The following RAB6A variants were observed in gnomAD, a reference collection of about 807,000 sequenced individuals.
RAB6A encodes the protein ras-related protein Rab-6A.
RAB6A carries 8 observed loss-of-function variants against 32.3 expected under a neutral mutation model. The observed-to-expected ratio is 0.25, with a 90% confidence interval of 0.15 to 0.45. The LOEUF (loss-of-function observed/expected upper bound fraction) is 0.45. Ranked by LOEUF, RAB6A falls within the 20% of genes least tolerant of loss-of-function variation. The pLI is 1.00. For synonymous variants in RAB6A, 73 were observed against 82.1 expected, an observed-to-expected ratio of 0.89 and a Z score of 0.60; for missense variants, 104 against 249.4, an observed-to-expected ratio of 0.42 and a Z score of 3.93.
At position 73,756,489 on chromosome 11, in the gene RAB6A, T is replaced by C. The variant is rs189951750; in HGVS notation, c.70+4077A>G. Among the ~76,000 whole-genome samples the C allele has an allele frequency of 4.8e-3, 725 of 152,336 alleles. 2 individuals carry two copies. The highest frequency in any genetic ancestry group is 8.4e-3 in the Non-Finnish European group (571 of 68,026). On this transcript the variant is annotated intron_variant, in intron 1 of 7. Transcript: ENST00000336083. ...TAAAGTGAAAAAAACAGTAGTAGGC[T>C]GAGTATGCGCTTCTCTCTGCCATTA... is the stretch of plus-strand genomic sequence containing the variant.
chr11:73,705,698 T>C (rs1261106340), intron 6 of RAB6A, among the ~76,000 whole-genome samples: 2 of 151,990 alleles, frequency 1.3e-5, no homozygotes, highest in African/African-American at 4.8e-5. Context: ...GTGGCTCCTA[T>C]GGGTTCAGTT....
chr11:73,715,939 T>A (rs1307020778), intron 5 of RAB6A, among the ~76,000 whole-genome samples: 1 of 152,234 alleles, frequency 6.6e-6, no homozygotes, highest in African/African-American at 2.4e-5. Flanking sequence ...CAAAATGGCT[T>A]GCTCTTTAAC....
At chr11:73,739,486 T>C (rs1946461438) in intron 1 of RAB6A, among the ~76,000 whole-genome samples, 1 of 150,202 alleles carries the variant, frequency 6.7e-6, no homozygotes, top group Admixed American at 6.7e-5. Flanking sequence ...TTTTTATTTT[T>C]TATTTTTTTG....
chr11:73,694,005 G>C (rs774683211), intron 6 of RAB6A, among the ~76,000 whole-genome samples: 1 of 152,150 alleles, frequency 6.6e-6, no homozygotes, highest in Non-Finnish European at 1.5e-5. Flanking sequence ...TTTCCCTCTA[G>C]ACTAGTGGTT....
At chr11:73,713,982 G>C (rs1277454059) in intron 5 of RAB6A, among the ~76,000 whole-genome samples, 1 of 151,842 alleles carries the variant, frequency 6.6e-6, no homozygotes, top group Admixed American at 6.6e-5. Flanking sequence ...CCTGAGGTCA[G>C]GAGTTCGAGA....
intron 2 of RAB6A, among the ~76,000 whole-genome samples, chr11:73,724,698 A>G (rs778411257): frequency 6.7e-4 from 102 of 152,170 alleles, no homozygotes; most frequent in Admixed American, 1.4e-3. Context: ...GTGTTAGCCA[A>G]CATGGTGTCG....
intron 6 of RAB6A, among the ~76,000 whole-genome samples, chr11:73,700,815 G>A (rs1469920128): frequency 1.3e-5 from 2 of 152,058 alleles, no homozygotes; most frequent in Non-Finnish European, 2.9e-5. Context: ...ACAATCTTCT[G>A]TAAGACAGAA....
chr11:73,756,076 GGC>G (rs547304076), intron 1 of RAB6A, among the ~76,000 whole-genome samples: 89 of 152,298 alleles, frequency 5.8e-4, no homozygotes, highest in South Asian at 1.7e-3. Context: ...GTACTGGCCA[GGC>G]GTGGTGGCTC....
intron 6 of RAB6A, among the ~76,000 whole-genome samples, chr11:73,680,177 A>C (rs980247654): frequency 2.0e-5 from 3 of 152,264 alleles, no homozygotes; most frequent in Non-Finnish European, 2.9e-5. Context: ...GCAATATACC[A>C]AATACAAAGA....
At chr11:73,753,074 C>T (rs1946691553) in intron 1 of RAB6A, among the ~76,000 whole-genome samples, 1 of 152,088 alleles carries the variant, frequency 6.6e-6, no homozygotes, top group Admixed American at 6.6e-5. Context: ...ACAGCAAGAC[C>T]TCGTTTGCTA....
At chr11:73,728,610 A>AAATAATGATAATAATAAT (rs1555063854) in intron 2 of RAB6A, among the ~76,000 whole-genome samples, 10 of 136,484 alleles carry the variant, frequency 7.3e-5, no homozygotes, top group Non-Finnish European at 1.4e-4. Flanking sequence ...GTCTTTGTTT[A>AAATAATGATAATAATAAT]AATAATAATA....
At chr11:73,713,330 G>A (rs1201730744) in intron 5 of RAB6A, among the ~76,000 whole-genome samples, 3 of 152,154 alleles carry the variant, frequency 2.0e-5, no homozygotes, top group African/African-American at 7.2e-5. Flanking sequence ...CAGCACTTTG[G>A]GAGACCAAGG....
intron 3 of RAB6A, among the ~76,000 whole-genome samples, chr11:73,720,521 C>T (rs1349681671): frequency 6.6e-6 from 1 of 152,092 alleles, no homozygotes; most frequent in Non-Finnish European, 1.5e-5. Flanking sequence ...GATACGCATC[C>T]TATCCTGACA....
chr11:73,693,870 A>G (rs895828729), intron 6 of RAB6A, among the ~76,000 whole-genome samples: 1 of 152,066 alleles, frequency 6.6e-6, no homozygotes, highest in Non-Finnish European at 1.5e-5. Context: ...TTTCAAAAAA[A>G]AAAAAGCTAG....
At chr11:73,712,540 G>A (rs376389501) in intron 5 of RAB6A, among the ~76,000 whole-genome samples, 18 of 151,746 alleles carry the variant, frequency 1.2e-4, no homozygotes, top group Admixed American at 4.6e-4. Flanking sequence ...TAGTAGAGAC[G>A]AGGTTTCACT....
chr11:73,703,569 C>T lies in RAB6A; in HGVS notation c.495+3851G>A, dbSNP rs989385517. Among the ~76,000 whole-genome samples the T allele has an allele frequency of 7.9e-5, 12 of 152,012 alleles. 1 individual carries two copies. The highest frequency in any genetic ancestry group is 2.9e-4 in the African/African-American group (12 of 41,374). On this transcript the variant is annotated intron_variant, in intron 6 of 7. Transcript: ENST00000336083. ...CCAGCCTGGCCAACGTGGCAAAACCCTGTCTCTACAAAAAATATAAAAATT... is the reference window on the plus strand; with the variant it reads ...CCAGCCTGGCCAACGTGGCAAAACCTTGTCTCTACAAAAAATATAAAAATT...
At chr11:73,740,407 T>C (rs1946476569) in intron 1 of RAB6A, among the ~76,000 whole-genome samples, 1 of 152,102 alleles carries the variant, frequency 6.6e-6, no homozygotes, top group African/African-American at 2.4e-5. Flanking sequence ...TGCAATATCA[T>C]ATCCAAGGGC....
chr11:73,683,755 G>A (rs1273426762), intron 6 of RAB6A, among the ~76,000 whole-genome samples: 1 of 151,970 alleles, frequency 6.6e-6, no homozygotes, highest in African/African-American at 2.4e-5. Context: ...GTTTCACCAT[G>A]TTGGCCGGGC....
chr11:73,699,045 G>C (rs2134900858), intron 6 of RAB6A, among the ~76,000 whole-genome samples: 1 of 152,026 alleles, frequency 6.6e-6, no homozygotes, highest in Non-Finnish European at 1.5e-5. Flanking sequence ...TAGAGACAGA[G>C]TTTCACCATG....
Sources: allele counts gnomAD v4.1 joint callset (sites outside exome capture counted in the v4.1 genomes callset), GRCh38; gene constraint gnomAD v4.1.1; transcripts MANE v1.5; gene names NCBI Gene and HGNC (gene_info 2026-07-23, HGNC 2026-07-21).